POLR3B: variants seen among roughly 807,000 people sequenced by gnomAD.
POLR3B encodes the protein RNA polymerase III subunit B, also known as DNA-directed RNA polymerase III subunit RPC2.
A neutral mutation model predicts 147.4 loss-of-function variants in POLR3B; 96 were observed. The ratio of observed to expected loss-of-function variants is 0.65; its 90% CI spans 0.55 to 0.77. POLR3B has a LOEUF of 0.77. Ranked by LOEUF, POLR3B falls within the 30% of genes least tolerant of loss-of-function variation. POLR3B has a pLI of 0.00. For synonymous variants in POLR3B, 461 were observed against 485.9 expected, an observed-to-expected ratio of 0.95 and a Z score of 0.67; for missense variants, 1,036 against 1,413.5, an observed-to-expected ratio of 0.73 and a Z score of 4.28.
chr12:106,463,466 T>A lies in POLR3B; in HGVS notation c.2571-12T>A. On this transcript the variant is annotated splice_polypyrimidine_tract_variant and intron_variant, in intron 22 of 27. Coordinates refer to ENST00000228347, the MANE Select transcript of POLR3B (RefSeq NM_018082.6). ...TGAAAACTCTGTTTTAGTGACTTTCTCTTAACACCAGCTACAAAGGAGCAA... is the reference window on the plus strand; with the variant it reads ...TGAAAACTCTGTTTTAGTGACTTTCACTTAACACCAGCTACAAAGGAGCAA... 6.2e-7 allele frequency: 1 copy of A among 1,612,840 alleles called. No individual in the cohort carries two copies. The highest frequency in any genetic ancestry group is 1.3e-5 in the African/African-American group (1 of 75,014).
chr12:106,362,116 A>AT lies in POLR3B; in HGVS notation c.73-1744dup, dbSNP rs879645198. Among the ~76,000 whole-genome samples the AT allele has an allele frequency of 1.2e-3, 176 of 150,006 alleles. 1 individual carries two copies. The highest frequency in any genetic ancestry group is 6.5e-3 in the Admixed American group (97 of 15,028). On this transcript the variant is annotated intron_variant, in intron 1 of 27. Transcript: ENST00000228347. ...AGCTGCTGAGTCAAGAAAGTTTTAA[A>AT]TTTTTTTTTTAATGGGAGGATTTGA...
chr12:106,357,918 G>A lies in POLR3B; in HGVS notation c.39G>A (p.Pro13=). Residue 13 remains proline (P), a synonymous_variant, in exon 1 of 28, where the codon CCG becomes CCA. Transcript: ENST00000228347. ...VLAEEFGNLT[P]EQLAAPIPTV... ...CGGAGGAGTTTGGGAACCTGACTCC[G>A]GAGCAGCTGGCGGCGCCGATCCCGA... 1 of 1,613,490 alleles carries A rather than the reference G, an allele frequency of 6.2e-7. No homozygotes were observed. Among genetic ancestry groups the A allele is most frequent in the Non-Finnish European group, 8.5e-7 (1 of 1,179,972 alleles).
intron 19 of POLR3B, among the ~76,000 whole-genome samples, chr12:106,451,467 C>T (rs1441932724): frequency 6.6e-6 from 1 of 151,698 alleles, no homozygotes; most frequent in Non-Finnish European, 1.5e-5. Flanking sequence ...ATTAAAAATA[C>T]AAAAATTAGC....
At chr12:106,371,543 T>C (rs1257386741) in intron 6 of POLR3B, among the ~76,000 whole-genome samples, 4 of 151,558 alleles carry the variant, frequency 2.6e-5, no homozygotes, top group African/African-American at 9.7e-5. Flanking sequence ...CCAACCCAAA[T>C]GTCCAACAAT....
intron 25 of POLR3B, 34 bp from the exon 26 acceptor site, chr12:106,501,288 GT>G: frequency 7.1e-7 from 1 of 1,411,306 alleles, no homozygotes; most frequent in Non-Finnish European, 1.0e-6. Context: ...CCCAAACTTA[GT>G]TTCTTAACCC....
chr12:106,483,227 C>G (rs2038293263), intron 23 of POLR3B, among the ~76,000 whole-genome samples: 1 of 152,088 alleles, frequency 6.6e-6, no homozygotes, highest in African/African-American at 2.4e-5. Context: ...AAGAAAAATC[C>G]CCATATAAGT....
intron 23 of POLR3B, among the ~76,000 whole-genome samples, chr12:106,475,762 C>T (rs1455690872): frequency 7.4e-4 from 110 of 148,760 alleles, no homozygotes; most frequent in Middle Eastern, 3.4e-3. Flanking sequence ...ATGTGTGTCT[C>T]TGCACATGAG....
intron 11 of POLR3B, chr12:106,410,138 T>G (rs2037206184): frequency 6.6e-6 from 1 of 152,412 alleles, no homozygotes; most frequent in Admixed American, 6.5e-5. Flanking sequence ...ACTTAGTGGC[T>G]TAATGTAACT....
At chr12:106,502,149 T>C (rs953430818) in intron 26 of POLR3B, among the ~76,000 whole-genome samples, 2 of 152,170 alleles carry the variant, frequency 1.3e-5, no homozygotes, top group African/African-American at 4.8e-5. Flanking sequence ...CATTTTCAGA[T>C]GTCCCAACTT....
intron 18 of POLR3B, among the ~76,000 whole-genome samples, chr12:106,440,854 T>G (rs1230113196): frequency 6.6e-6 from 1 of 152,200 alleles, no homozygotes; most frequent in Non-Finnish European, 1.5e-5. Context: ...CATCTGGTTT[T>G]TCATTGATGT....
chr12:106,364,689 G>C (rs972718738), intron 2 of POLR3B, among the ~76,000 whole-genome samples: 4 of 152,198 alleles, frequency 2.6e-5, no homozygotes, highest in African/African-American at 9.6e-5. Flanking sequence ...AGCCAAGAGT[G>C]GAAACAACCC....
intron 23 of POLR3B, among the ~76,000 whole-genome samples, chr12:106,467,906 A>T (rs1252515864): frequency 6.6e-6 from 1 of 152,154 alleles, no homozygotes; most frequent in African/African-American, 2.4e-5. Flanking sequence ...ATATTGGCCT[A>T]AAATTCTCTT....
intron 10 of POLR3B, among the ~76,000 whole-genome samples, chr12:106,404,413 T>A (rs1230484927): frequency 1.3e-5 from 2 of 152,174 alleles, no homozygotes; most frequent in Non-Finnish European, 2.9e-5. Flanking sequence ...TTCAGGTTGC[T>A]TCATGTCCTC....
At chr12:106,416,451 A>C in intron 12 of POLR3B, among the ~76,000 whole-genome samples, 1 of 151,606 alleles carries the variant, frequency 6.6e-6, no homozygotes, top group South Asian at 2.1e-4. Flanking sequence ...ATCTGTCTGG[A>C]GGCTCTGGCC....
At chr12:106,435,311 T>C (rs970010567) in intron 16 of POLR3B, among the ~76,000 whole-genome samples, 21 of 147,372 alleles carry the variant, frequency 1.4e-4, no homozygotes, top group African/African-American at 5.0e-4. Context: ...CCCTGGCTAA[T>C]TTTTTGTATT....
At chr12:106,415,758 TAGC>T (rs1444942541) in intron 12 of POLR3B, among the ~76,000 whole-genome samples, 1 of 152,216 alleles carries the variant, frequency 6.6e-6, no homozygotes, top group Non-Finnish European at 1.5e-5. Context: ...TATTGTAAAA[TAGC>T]AGAAGTCATT....
chr12:106,479,833 G>GTTTTCTTTTCTTTTCTTTTCT (rs1660438071), intron 23 of POLR3B, among the ~76,000 whole-genome samples: 3 of 56,124 alleles, frequency 5.3e-5, no homozygotes, highest in African/African-American at 4.2e-4. Context: ...TCTTTTCACA[G>GTTTTCTTTTCTTTTCTTTTCT]TATCTTGCTC....
At chr12:106,452,468 ATT>A (rs1338286888) in intron 19 of POLR3B, among the ~76,000 whole-genome samples, 3 of 152,178 alleles carry the variant, frequency 2.0e-5, no homozygotes, top group African/African-American at 7.2e-5. Flanking sequence ...AGGTGCAGCC[ATT>A]TATGCTTCCC....
At position 106,369,255 on chromosome 12, in the gene POLR3B, C is replaced by T. The variant is rs761007962; in HGVS notation, c.228-20C>T. 19 of 1,341,750 alleles carry T rather than the reference C, an allele frequency of 1.4e-5. No individual in the cohort carries two copies. In the East Asian group the frequency reaches 2.7e-4, roughly 19 times the overall value. The allele number at this position is 1,341,750 out of a possible 1,614,324, so 83.1% of individuals were successfully genotyped here. ...ATCTTCGAAGAAGTATAATTCATACCGCACTAATTTGCTTTTCAGATATCT... is the reference window on the plus strand; with the variant it reads ...ATCTTCGAAGAAGTATAATTCATACTGCACTAATTTGCTTTTCAGATATCT... On this transcript the variant is annotated intron_variant, in intron 4 of 27. Coordinates refer to ENST00000228347, the MANE Select transcript of POLR3B (RefSeq NM_018082.6).
Sources: gnomAD v4.1 joint callset for allele counts (sites outside exome capture counted in the v4.1 genomes callset) on GRCh38, gnomAD v4.1.1 for gene constraint, MANE v1.5 for transcripts, NCBI Gene and HGNC (gene_info 2026-07-23, HGNC 2026-07-21) for gene names.